Variants in NOC2L observed in about 807,000 individuals in gnomAD.
NOC2L encodes the protein nucleolar complex protein 2 homolog.
NOC2L carries 101 observed loss-of-function variants against 94.2 expected under a neutral mutation model. The observed-to-expected ratio is 1.07, with a 90% CI of 0.91 to 1.26. The LOEUF (loss-of-function observed/expected upper bound fraction) is 1.26, where lower values mean the gene tolerates loss of function less well. NOC2L is among the 50% of genes most tolerant of loss of function. The pLI, the probability that NOC2L is intolerant of heterozygous loss-of-function variation, is 0.00. For missense variants in NOC2L, 1,076 were observed against 980.1 expected (o/e 1.10, Z -1.31); for synonymous variants, 531 against 413.4 (o/e 1.28, Z -3.45).
intron 8 of NOC2L, 47 bp downstream of exon 8, chr1:953,735 G>A: frequency 7.2e-7 from 1 of 1,396,750 alleles, no homozygotes; most frequent in Non-Finnish European, 1.0e-6. Flanking sequence ...TAGCCGTGTG[G>A]CCCCCCGACC....
At chr1:957,953 G>A (rs1301629128) in intron 2 of NOC2L, 1 of 152,550 alleles carries the variant, frequency 6.6e-6, no homozygotes, top group African/African-American at 2.4e-5. Context: ...CAAGGCTTTT[G>A]CTGTTTTCTG....
intron 14 of NOC2L, 53 bp from the exon 15 acceptor site, chr1:946,598 G>A: frequency 6.3e-7 from 1 of 1,588,250 alleles, no homozygotes; most frequent in Non-Finnish European, 8.6e-7. Context: ...CATGTGCACA[G>A]CTGGCCCAGG....
chr1:956,777 A>T, intron 4 of NOC2L, 117 bp downstream of exon 4: 1 of 1,473,554 alleles, frequency 6.8e-7, no homozygotes, highest in Non-Finnish European at 9.3e-7. Flanking sequence ...AGGTGAGGCA[A>T]GGCCAGATCT....
At chr1:957,324 C>CG in intron 2 of NOC2L, 51 bp from the exon 3 acceptor site, 1 of 1,571,782 alleles carries the variant, frequency 6.4e-7, no homozygotes, top group African/African-American at 1.3e-5. Flanking sequence ...GTAGAGGGGG[C>CG]GGGGAGTGGC....
At position 956,996 on chromosome 1, in the gene NOC2L, C is replaced by T. The variant is rs1172825258; in HGVS notation, c.384G>A (p.Glu128=). 3 of 1,614,110 alleles carry T rather than the reference C, an allele frequency of 1.9e-6. No individual in the cohort carries two copies. Among genetic ancestry groups the T allele is most frequent in the South Asian group, 1.1e-5 (1 of 91,092 alleles). ...EEASEEEDGA[E]EGEDGDRVPR... ...GGACTCTGTCCCCATCTTCTCCTTC[C>T]TCCGCTCCATCCTCCTCCTCACTGG... Residue 128 remains glutamate, a synonymous_variant, in exon 4 of 19, where the codon GAG becomes GAA. Transcript: ENST00000327044.
rs753703415 is a variant in NOC2L, at chr1:956,228, G to C, written c.487-13C>G. The C allele has an allele frequency of 6.2e-7, 1 of 1,612,420 alleles. No homozygotes were observed. Among genetic ancestry groups the C allele is most frequent in the South Asian group, 1.1e-5 (1 of 91,070 alleles). ...GAGTGAGGCGTTGCTGAAGGAGCAAGAGTACCAGGGGCGTCAGGGGAGCTG... is the reference window on the plus strand; with the variant it reads ...GAGTGAGGCGTTGCTGAAGGAGCAACAGTACCAGGGGCGTCAGGGGAGCTG... On this transcript the variant is annotated splice_polypyrimidine_tract_variant and intron_variant, in intron 4 of 18. Transcript: ENST00000327044.
chr1:948,759 C>T (rs547000248), intron 12 of NOC2L, among the ~76,000 whole-genome samples, 156 bp from the exon 13 acceptor site: 1 of 11,276 alleles, frequency 8.9e-5, no homozygotes, highest in African/African-American at 1.4e-4. Flanking sequence ...AGACCCAACC[C>T]GAAACAAGAG....
At chr1:945,798 C>A in intron 16 of NOC2L, 145 bp from the exon 17 acceptor site, 1 of 1,027,462 alleles carries the variant, frequency 9.7e-7, no homozygotes. Context: ...AAGCCATCCT[C>A]CAAGTTGTCC....
At chr1:951,888 G>C in intron 11 of NOC2L, 112 bp downstream of exon 11, 1 of 1,249,430 alleles carries the variant, frequency 8.0e-7, no homozygotes, top group Non-Finnish European at 1.1e-6. Context: ...GGGACGGCCA[G>C]GACACAGACT....
chr1:946,209 G>T lies in NOC2L; in HGVS notation c.1881C>A (p.Asp627Glu), dbSNP rs112072809. Residue 627 changes from aspartate to glutamate, a missense_variant, in exon 16 of 19, where the codon GAC (aspartate) becomes GAA (glutamate). Coordinates refer to ENST00000327044, the MANE Select transcript of NOC2L (RefSeq NM_015658.4). The part of the protein sequence containing the change: ...LYYSHWRKLR[D>E]REIQLEISGK... ...CACTGATCTCCAGCTGGATCTCCCGGTCACGCAGCTTGCGCCAGTGGCTGT... is the reference window on the plus strand; with the variant it reads ...CACTGATCTCCAGCTGGATCTCCCGTTCACGCAGCTTGCGCCAGTGGCTGT... 1.2e-6 allele frequency: 2 copies of T among 1,613,520 alleles called. No individual in the cohort carries two copies. Among genetic ancestry groups the T allele is most frequent in the East Asian group, 4.5e-5 (2 of 44,882 alleles).
intron 12 of NOC2L, among the ~76,000 whole-genome samples, chr1:949,867 G>T (rs1642205542): frequency 6.6e-6 from 1 of 152,174 alleles, no homozygotes; most frequent in Admixed American, 6.5e-5. Context: ...CATACCTTCT[G>T]GACCCAGCAA....
chr1:946,677 C>T, intron 14 of NOC2L, 132 bp from the exon 15 acceptor site: 2 of 1,106,624 alleles, frequency 1.8e-6, no homozygotes, highest in Admixed American at 4.6e-5. Flanking sequence ...CATCTCAGGG[C>T]TCAAGTGCAT....
In NOC2L at chr1:957,222, C is replaced by T. The variant is rs1642432828; in HGVS notation, c.231G>A (p.Lys77=). 6 of 1,613,552 alleles carry T rather than the reference C, an allele frequency of 3.7e-6. No individual in the cohort carries two copies. The highest frequency in any genetic ancestry group is 2.7e-5 in the African/African-American group (2 of 74,800). The stretch of plus-strand genomic sequence containing the variant: ...ACTTGTAGAACTCGGGGTCTCTGTC[C>T]TTCAGCCGAGAGAGCTGGTCTTTGT... ...SEHKDQLSRL[K]DRDPEFYKFL... The change falls in exon 3 of 19, where the codon AAG becomes AAA. Residue 77 remains lysine, a synonymous_variant. Coordinates refer to ENST00000327044, the MANE Select transcript of NOC2L (RefSeq NM_015658.4).
chr1:946,798 C>T (rs1302903273), intron 14 of NOC2L: 7 of 416,292 alleles, frequency 1.7e-5, no homozygotes, highest in Non-Finnish European at 3.1e-5. Flanking sequence ...TGGCTCTCGC[C>T]TGTAATCCCA....
chr1:948,517 A>G lies in NOC2L; in HGVS notation c.1530T>C (p.Asn510=). ...GGTACGCCTTCTCCTGCAGGTTGAC[A>G]TTGGACAGCTTCAGGATCACGGAGA... ...INFSVILKLS[N]VNLQEKAYRD... Residue 510 remains asparagine (N), a synonymous_variant, in exon 13 of 19, where the codon AAT becomes AAC. Transcript: ENST00000327044. 2 of 1,613,250 alleles carry G rather than the reference A, an allele frequency of 1.2e-6. No homozygotes were observed. The highest frequency in any genetic ancestry group is 1.7e-6 in the Non-Finnish European group (2 of 1,179,802).
intron 4 of NOC2L, among the ~76,000 whole-genome samples, chr1:956,518 T>C (rs112164716): frequency 0.033 from 5,052 of 151,976 alleles, 165 homozygotes; most frequent in African/African-American, 0.083. Flanking sequence ...AAAAAAACAC[T>C]GTGAGAGGCT....
chr1:955,695 C>A (rs1032480286), intron 6 of NOC2L, among the ~76,000 whole-genome samples: 1 of 152,238 alleles, frequency 6.6e-6, no homozygotes, highest in Non-Finnish European at 1.5e-5. Flanking sequence ...AGACTCTGAG[C>A]AGACAACTTC....
chr1:956,946 T>C lies in NOC2L; in HGVS notation c.434A>G (p.Asn145Ser). 2.5e-6 allele frequency: 4 copies of C among 1,614,096 alleles called. No homozygotes were observed. Among genetic ancestry groups the C allele is most frequent in the Non-Finnish European group, 3.4e-6 (4 of 1,180,028 alleles). Residue 145 changes from asparagine (N) to serine (S), a missense_variant, in exon 4 of 19, where the codon AAT becomes AGT. By Grantham distance (46) the Asn-to-Ser change is conservative (BLOSUM62 1). Around this residue, in one of 3 missense-constraint regions of NOC2L, gnomAD observed 457 missense variants for 386.0 expected, o/e 1.18. Transcript: ENST00000327044. ...CATGGCGACGGTCACAGGAACAGAA[T>C]TCTTCTTCCCCTTCAGCCCTCTGGG... ...RVPRGLKGKK[N>S]SVPVTVAMVE...
rs3196153 is a variant in NOC2L, at chr1:944,344, G to C, written c.*350C>G. The stretch of plus-strand genomic sequence containing the variant: ...GGGAGTGAAGGCAGAGCCTGGTGCA[G>C]ATGGACGAGGTCTGCAGACGGAGGG... On this transcript the variant is annotated 3_prime_UTR_variant, in exon 19 of 19. Coordinates refer to ENST00000327044, the MANE Select transcript of NOC2L (RefSeq NM_015658.4). The C allele has an allele frequency of 7.3e-7, 1 of 1,375,128 alleles. No homozygotes were observed. The allele number at this position is 1,375,128 out of a possible 1,614,324, so 85.2% of individuals were successfully genotyped here.
Sources: gnomAD v4.1 joint callset for allele counts (sites outside exome capture counted in the v4.1 genomes callset) on GRCh38, gnomAD v4.1.1 for gene constraint, gnomAD v4.1.1 regional missense constraint, MANE v1.5 for transcripts, NCBI Gene and HGNC (gene_info 2026-07-23, HGNC 2026-07-21) for gene names.